SMAD2: variants seen among roughly 807,000 people sequenced by gnomAD.
The protein encoded by SMAD2 is SMAD family member 2.
SMAD2 carries 8 observed loss-of-function variants against 64.4 expected under a neutral mutation model. The observed-to-expected ratio is 0.12, with a 90% CI of 0.07 to 0.22. SMAD2 has a LOEUF of 0.22. SMAD2 is among the 10% of genes least tolerant of loss of function. SMAD2 has a pLI of 1.00. For missense variants in SMAD2, 289 were observed against 561.2 expected, an observed-to-expected ratio of 0.51 and a Z score of 4.90; for synonymous variants, 203 against 195.8, an observed-to-expected ratio of 1.04 and a Z score of -0.31.
chr18:47,849,569 C>G (rs1430871959), intron 7 of SMAD2, among the ~76,000 whole-genome samples: 1 of 151,682 alleles, frequency 6.6e-6, no homozygotes, highest in Non-Finnish European at 1.5e-5. Flanking sequence ...AACTAAAAAC[C>G]CTTAGATGTT....
rs1912786996 is a variant in SMAD2 at position 47,827,239 on chromosome 18, A to G, written c.*14588T>C. The G allele has an allele frequency of 6.6e-6, 1 of 152,216 alleles. No individual in the cohort carries two copies. Among genetic ancestry groups the G allele is most frequent in the Non-Finnish European group, 1.5e-5 (1 of 68,042 alleles). 9.4% of individuals were successfully genotyped at this position (152,216 alleles called of 1,614,324 possible). On this transcript the variant is annotated 3_prime_UTR_variant, in exon 11 of 11. Transcript: ENST00000262160. ...TGCTTCCTTCAAGTGTTCCATCCTT[A>G]GCATTCTTGTTAAAAATGGCCTTTA...
chr18:47,904,390 T>TA (rs1408961474), intron 1 of SMAD2, among the ~76,000 whole-genome samples: 1 of 151,720 alleles, frequency 6.6e-6, no homozygotes, highest in Admixed American at 6.6e-5. Context: ...GAGCAAAACT[T>TA]ACTTGCCCAT....
chr18:47,893,834 A>C (rs2033316926), intron 2 of SMAD2, among the ~76,000 whole-genome samples: 1 of 152,204 alleles, frequency 6.6e-6, no homozygotes, highest in South Asian at 2.1e-4. Flanking sequence ...ATAATAACAA[A>C]TCTCCATTTT....
Position 47,896,641 on chromosome 18 carries a change from T to G in SMAD2, c.116A>C (p.Lys39Thr). Residue 39 changes from lysine (K) to threonine (T), a missense_variant, in exon 2 of 11, where the codon AAG (lysine) becomes ACG (threonine). Lys to Thr is a moderately conservative substitution (Grantham distance 78). This residue lies in a region of SMAD2 where 89 missense variants were observed against 137.1 expected (regional missense o/e 0.65). Coordinates refer to ENST00000262160, the MANE Select transcript of SMAD2 (RefSeq NM_005901.6). ...ACTTTTCACTGCTTTCTCACACCAC[T>G]TTTCTTCCTGCCCATTCTGCTCTCC... ...GGGEQNGQEE[K>T]WCEKAVKSLV... The G allele has an allele frequency of 6.2e-7, 1 of 1,614,152 alleles. No individual in the cohort carries two copies. The highest frequency in any genetic ancestry group is 8.5e-7 in the Non-Finnish European group (1 of 1,180,018).
chr18:47,891,074 G>T (rs2033165513), intron 2 of SMAD2, among the ~76,000 whole-genome samples: 1 of 152,182 alleles, frequency 6.6e-6, no homozygotes, highest in African/African-American at 2.4e-5. Context: ...GGAGGCCGAG[G>T]CGGGCGGGTC....
chr18:47,829,412 T>TCCA lies in SMAD2; in HGVS notation c.*12412_*12414dup. 6.6e-6 allele frequency: 1 copy of TCCA among 150,542 alleles called. No homozygotes were observed. Among genetic ancestry groups the TCCA allele is most frequent in the East Asian group, 2.0e-4 (1 of 5,128 alleles). The allele number at this position is 150,542 out of a possible 1,614,324, so 9.3% of individuals were successfully genotyped here. ...ACCTCAGCAAAAAAAAAAAAGCACA[T>TCCA]CCACTTTTACAATGGTCACATACAA... On this transcript the variant is annotated 3_prime_UTR_variant, in exon 11 of 11. Transcript: ENST00000262160.
At chr18:47,885,751 C>T (rs2032868852) in intron 2 of SMAD2, among the ~76,000 whole-genome samples, 1 of 152,080 alleles carries the variant, frequency 6.6e-6, no homozygotes, top group South Asian at 2.1e-4. Context: ...CGCTTGAGCC[C>T]AGGAGTTCGA....
chr18:47,862,790 C>T (rs965681187), intron 6 of SMAD2, among the ~76,000 whole-genome samples: 1 of 152,166 alleles, frequency 6.6e-6, no homozygotes, highest in Non-Finnish European at 1.5e-5. Context: ...ATGAAATCCA[C>T]ATCTTATGAT....
chr18:47,876,337 C>T (rs529484924), intron 2 of SMAD2, among the ~76,000 whole-genome samples: 1 of 152,074 alleles, frequency 6.6e-6, no homozygotes, highest in East Asian at 1.9e-4. Context: ...TGAAATATTA[C>T]AATATGTTGA....
rs1913930921 is a variant in SMAD2 at position 47,841,315 on chromosome 18, A to C, written c.*512T>G. On this transcript the variant is annotated 3_prime_UTR_variant, in exon 11 of 11. Coordinates refer to ENST00000262160, the MANE Select transcript of SMAD2 (RefSeq NM_005901.6). Reference sequence around the variant, plus strand: ...TTTTTCTACAGGAAAATCTGCTTCTAAATAATTTGAAAATCTTGATATATA... The same window carrying C: ...TTTTTCTACAGGAAAATCTGCTTCTCAATAATTTGAAAATCTTGATATATA... The C allele has an allele frequency of 4.3e-6, 1 of 233,512 alleles. No homozygotes were observed. Among genetic ancestry groups the C allele is most frequent in the African/African-American group, 2.2e-5 (1 of 45,304 alleles). The allele number at this position is 233,512 out of a possible 1,614,324, so 14.5% of individuals were successfully genotyped here.
intron 6 of SMAD2, among the ~76,000 whole-genome samples, chr18:47,858,639 T>C (rs748223641): frequency 9.9e-5 from 15 of 152,190 alleles, no homozygotes; most frequent in Non-Finnish European, 1.8e-4. Context: ...CAGAAGTAGA[T>C]GAATGAAACT....
intron 10 of SMAD2, among the ~76,000 whole-genome samples, chr18:47,842,522 G>A (rs1914065887): frequency 6.6e-6 from 1 of 152,080 alleles, no homozygotes; most frequent in Non-Finnish European, 1.5e-5. Context: ...CCTGGCGACA[G>A]AGTGAGACTC....
At chr18:47,917,965 A>T (rs2034401033) in intron 1 of SMAD2, among the ~76,000 whole-genome samples, 1 of 152,230 alleles carries the variant, frequency 6.6e-6, no homozygotes. Context: ...TGAACAGATC[A>T]GAAACTACTA....
In SMAD2 at chr18:47,888,715, C is replaced by G. The variant is rs939471508; in HGVS notation, c.236+7806G>C. ...GTAAAGGTAGGAAAGGTCAAATACTCTGGGGAGAGCATTATTTGCAAGATC... is the reference window on the plus strand; with the variant it reads ...GTAAAGGTAGGAAAGGTCAAATACTGTGGGGAGAGCATTATTTGCAAGATC... On this transcript the variant is annotated intron_variant, in intron 2 of 10. Coordinates refer to ENST00000262160, the MANE Select transcript of SMAD2 (RefSeq NM_005901.6). Among the ~76,000 whole-genome samples, 10 of 152,266 alleles carry G rather than the reference C, an allele frequency of 6.6e-5. 2 individuals carry two copies. The highest frequency in any genetic ancestry group is 2.4e-5 in the African/African-American group (1 of 41,538).
At chr18:47,890,476 G>C (rs1009731197) in intron 2 of SMAD2, among the ~76,000 whole-genome samples, 6 of 152,124 alleles carry the variant, frequency 3.9e-5, no homozygotes, top group Non-Finnish European at 5.9e-5. Context: ...AGAGAACGAA[G>C]ACCTAGAATA....
chr18:47,853,993 C>T (rs957449530), intron 6 of SMAD2, among the ~76,000 whole-genome samples: 2 of 151,912 alleles, frequency 1.3e-5, no homozygotes, highest in Non-Finnish European at 2.9e-5. Flanking sequence ...TTTAAATTAA[C>T]AGGCGTTCAG....
chr18:47,816,593 T>C lies in SMAD2; in HGVS notation c.*25234A>G, dbSNP rs369017049. 6.6e-6 allele frequency: 1 copy of C among 152,216 alleles called. No individual in the cohort carries two copies. The highest frequency in any genetic ancestry group is 1.5e-5 in the Non-Finnish European group (1 of 68,028). The allele number at this position is 152,216 out of a possible 1,614,324, so 9.4% of individuals were successfully genotyped here. On this transcript the variant is annotated 3_prime_UTR_variant, in exon 11 of 11. Coordinates refer to ENST00000262160, the MANE Select transcript of SMAD2 (RefSeq NM_005901.6). ...CCTTTCACAAAGGTTACCCACAAAA[T>C]ACTTTTGCCTAGCCACTGCCTGTCC...
chr18:47,881,199 T>C (rs1414601107), intron 2 of SMAD2, among the ~76,000 whole-genome samples: 1 of 152,224 alleles, frequency 6.6e-6, no homozygotes, highest in East Asian at 1.9e-4. Flanking sequence ...TGCAGTTTGT[T>C]ATTGAGGGAG....
At chr18:47,875,983 T>C (rs954440519) in intron 2 of SMAD2, among the ~76,000 whole-genome samples, 6 of 151,974 alleles carry the variant, frequency 3.9e-5, no homozygotes, top group African/African-American at 1.4e-4. Flanking sequence ...TTAAATAATA[T>C]TAAAGGAAGT....
Sources: gnomAD v4.1 joint callset for allele counts (sites outside exome capture counted in the v4.1 genomes callset) on GRCh38, gnomAD v4.1.1 for gene constraint, gnomAD v4.1.1 regional missense constraint, MANE v1.5 for transcripts, NCBI Gene and HGNC (gene_info 2026-07-23, HGNC 2026-07-21) for gene names.